The following GLI2 variants were observed in gnomAD, a reference collection of about 807,000 sequenced individuals.
The protein encoded by GLI2 is transcription activator GLI2.
In GLI2, 22 loss-of-function variants were observed where a neutral mutation model predicts 78.9. The ratio of observed to expected loss-of-function variants is 0.28; its 90% CI spans 0.20 to 0.40. The LOEUF is 0.40. Among genes scored for constraint, GLI2 ranks in the 10% least tolerant of loss-of-function variants. The pLI is 1.00. For missense variants in GLI2, 2,097 were observed against 2,213.2 expected, an observed-to-expected ratio of 0.95 and a Z score of 1.05; for synonymous variants, 974 against 963.7, an observed-to-expected ratio of 1.01 and a Z score of -0.20.
chr2:120,763,676 T>C (rs1348056311), intron 1 of GLI2, among the ~76,000 whole-genome samples: 1 of 152,240 alleles, frequency 6.6e-6, no homozygotes, highest in East Asian at 1.9e-4. Context: ...CACAGCCCTC[T>C]GGGCAGAATG....
At position 120,768,180 on chromosome 2, in the gene GLI2, G is replaced by A. The variant is rs1683419764; in HGVS notation, c.-30-29111G>A. Among the ~76,000 whole-genome samples the A allele has an allele frequency of 2.6e-5, 4 of 152,334 alleles. No homozygotes were observed. In the South Asian group the frequency reaches 6.2e-4, roughly 24 times the overall value. On this transcript the variant is annotated intron_variant, in intron 1 of 13. Transcript: ENST00000361492. ...CTAGCACTGATGATCACAGGAGCCC[G>A]CCTTTACCCGGCGTCGGCTGCCAGG... is the stretch of plus-strand genomic sequence containing the variant.
At position 120,974,220 on chromosome 2, in the gene GLI2, C is replaced by T. The variant is rs118030760; in HGVS notation, c.1183-755C>T. 1.4e-3 allele frequency among the ~76,000 whole-genome samples: 210 copies of T among 152,134 alleles called. 3 individuals are homozygous for T. In the East Asian group the frequency reaches 0.016, roughly 11 times the overall value. ...CCTTGTAGGCCCTCCGTGGACTTTC[C>T]GTCCCTACCTGGAGTATGAGCCTCT... is the stretch of plus-strand genomic sequence containing the variant. On this transcript the variant is annotated intron_variant, in intron 8 of 13. Transcript: ENST00000361492.
chr2:120,895,032 C>T (rs1413460974), intron 2 of GLI2, among the ~76,000 whole-genome samples: 1 of 152,134 alleles, frequency 6.6e-6, no homozygotes, highest in African/African-American at 2.4e-5. Context: ...CAATGGGTGC[C>T]TCCTTGAGGA....
At chr2:120,929,502 G>T (rs1679848964) in intron 3 of GLI2, among the ~76,000 whole-genome samples, 1 of 152,210 alleles carries the variant, frequency 6.6e-6, no homozygotes, top group Non-Finnish European at 1.5e-5. Flanking sequence ...GAATTCTCCT[G>T]TAAGGAAAAG....
chr2:120,829,852 A>G (rs1358778786), intron 2 of GLI2, among the ~76,000 whole-genome samples: 1 of 152,164 alleles, frequency 6.6e-6, no homozygotes, highest in Non-Finnish European at 1.5e-5. Flanking sequence ...AGGGAAGTGC[A>G]GGGCTGAGTT....
intron 2 of GLI2, among the ~76,000 whole-genome samples, chr2:120,848,726 A>T (rs528181224): frequency 1.3e-5 from 2 of 152,298 alleles, no homozygotes; most frequent in South Asian, 4.1e-4. Context: ...GGGTGTGGGG[A>T]CTGGGGACAG....
intron 2 of GLI2, among the ~76,000 whole-genome samples, chr2:120,900,194 A>C (rs1678185901): frequency 1.3e-5 from 2 of 152,178 alleles, no homozygotes; most frequent in South Asian, 2.1e-4. Flanking sequence ...TGAATGGTGG[A>C]TATCCTGGCT....
intron 2 of GLI2, among the ~76,000 whole-genome samples, chr2:120,846,530 C>T (rs1240354271): frequency 6.6e-6 from 1 of 152,200 alleles, no homozygotes; most frequent in Non-Finnish European, 1.5e-5. Flanking sequence ...TGCAGGGGTC[C>T]TGAGGGGCTG....
intron 3 of GLI2, among the ~76,000 whole-genome samples, chr2:120,945,959 A>T (rs73949991): frequency 5.6e-4 from 77 of 137,414 alleles, no homozygotes; most frequent in African/African-American, 2.5e-3. Flanking sequence ...TAACCTTCTC[A>T]CACACACACA....
In GLI2 at chr2:120,909,562, C is replaced by T. The variant is rs572368600; in HGVS notation, c.149-17799C>T. ...GACTGTGGTTAGATCGTGCACACCC[C>T]CTCATTTATAAACCCACTTTAGGCC... On this transcript the variant is annotated intron_variant, in intron 2 of 13. Transcript: ENST00000361492. Among the ~76,000 whole-genome samples, 18 of 152,286 alleles carry T rather than the reference C, an allele frequency of 1.2e-4. No individual in the cohort carries two copies. The South Asian group carries it at 1.2e-3, about 11-fold the overall frequency.
rs1287107103 is a variant in GLI2 at position 120,991,267 on chromosome 2, C to T, written c.*592C>T. 6.5e-6 allele frequency: 1 copy of T among 152,942 alleles called. No individual in the cohort carries two copies. The highest frequency in any genetic ancestry group is 2.4e-5 in the African/African-American group (1 of 41,460). The allele number at this position is 152,942 out of a possible 1,614,324, so 9.5% of individuals were successfully genotyped here. ...CATTCTGATTCCAGGTTTGGTAGAGCTGGCTCTTCTACTCCGTAAAGCCGA... is the reference window on the plus strand; with the variant it reads ...CATTCTGATTCCAGGTTTGGTAGAGTTGGCTCTTCTACTCCGTAAAGCCGA... On this transcript the variant is annotated 3_prime_UTR_variant, in exon 14 of 14. Coordinates refer to ENST00000361492, the MANE Select transcript of GLI2 (RefSeq NM_001374353.1).
chr2:120,818,497 G>A (rs1400730187), intron 2 of GLI2, among the ~76,000 whole-genome samples: 3 of 152,206 alleles, frequency 2.0e-5, no homozygotes, highest in Non-Finnish European at 4.4e-5. Context: ...GGCCGAGCTG[G>A]GCCAGGCACT....
chr2:120,820,337 AG>A (rs1685704151), intron 2 of GLI2, among the ~76,000 whole-genome samples: 1 of 152,186 alleles, frequency 6.6e-6, no homozygotes, highest in African/African-American at 2.4e-5. Context: ...GGCCCCTGTT[AG>A]GGGGACTGTG....
At chr2:120,902,875 G>T (rs1272337568) in intron 2 of GLI2, among the ~76,000 whole-genome samples, 1 of 152,214 alleles carries the variant, frequency 6.6e-6, no homozygotes, top group African/African-American at 2.4e-5. Flanking sequence ...GAATTTTGTT[G>T]CCTTGATGGA....
At chr2:120,787,204 C>A (rs976550224) in intron 1 of GLI2, among the ~76,000 whole-genome samples, 1 of 152,082 alleles carries the variant, frequency 6.6e-6, no homozygotes, top group Non-Finnish European at 1.5e-5. Context: ...GCAGAGGAAC[C>A]GCGTGATCAG....
At chr2:120,768,828 T>TGTGTGTGTGC (rs1016876371) in intron 1 of GLI2, among the ~76,000 whole-genome samples, 83 of 150,526 alleles carry the variant, frequency 5.5e-4, no homozygotes, top group African/African-American at 1.1e-3. Flanking sequence ...TGTGTGTGTG[T>TGTGTGTGTGC]GCGTGTGTGT....
At chr2:120,973,414 C>T (rs938993432) in intron 8 of GLI2, among the ~76,000 whole-genome samples, 2 of 152,238 alleles carry the variant, frequency 1.3e-5, no homozygotes, top group African/African-American at 4.8e-5. Context: ...GCCGGCCATA[C>T]AGGGCCTCCT....
chr2:120,874,135 C>T (rs530862651), intron 2 of GLI2, among the ~76,000 whole-genome samples: 10 of 152,242 alleles, frequency 6.6e-5, no homozygotes, highest in Admixed American at 3.9e-4. Flanking sequence ...GGTGTTCAAC[C>T]GCCTGGTGCC....
At chr2:120,947,937 C>T (rs961282793) in intron 3 of GLI2, among the ~76,000 whole-genome samples, 3 of 152,236 alleles carry the variant, frequency 2.0e-5, no homozygotes, top group Non-Finnish European at 2.9e-5. Context: ...GCAAGGGTTG[C>T]TCCGTACCCT....
Sources: gnomAD v4.1 joint callset for allele counts (sites outside exome capture counted in the v4.1 genomes callset) on GRCh38, gnomAD v4.1.1 for gene constraint, MANE v1.5 for transcripts, NCBI Gene and HGNC (gene_info 2026-07-23, HGNC 2026-07-21) for gene names.